Variants in GPC3 observed in about 807,000 individuals in gnomAD.
GPC3 encodes glypican-3.
Under a neutral mutation model 34.4 loss-of-function variants are expected in GPC3, and 3 were observed. The observed-to-expected ratio is 0.09, with a 90% CI of 0.04 to 0.23. The LOEUF (loss-of-function observed/expected upper bound fraction) is 0.23. Among genes scored for constraint, GPC3 ranks in the 10% least tolerant of loss-of-function variants. The pLI is 1.00. For missense variants in GPC3, 351 were observed against 445.6 expected, an observed-to-expected ratio of 0.79 and a Z score of 1.91; for synonymous variants, 177 against 174.0, an observed-to-expected ratio of 1.02 and a Z score of -0.13.
intron 2 of GPC3, among the ~76,000 whole-genome samples, chrX:133,794,264 C>T (rs1422319587): frequency 1.8e-5 from 2 of 111,469 alleles, no homozygotes; most frequent in Non-Finnish European, 3.8e-5. Flanking sequence ...TCTACAGAGG[C>T]TTTAGTTTTT....
chrX:133,898,374 A>G (rs1374311750), intron 2 of GPC3, among the ~76,000 whole-genome samples: 1 of 112,129 alleles, frequency 8.9e-6, no homozygotes, highest in East Asian at 2.8e-4. Flanking sequence ...AAATTCCTCA[A>G]ATCAGAGTTT....
intron 2 of GPC3, among the ~76,000 whole-genome samples, chrX:133,767,820 T>A (rs763984446): frequency 1.2e-4 from 13 of 110,949 alleles, no homozygotes; most frequent in Non-Finnish European, 2.5e-4. Flanking sequence ...CCCCTGAGCC[T>A]GCCCAAAAGA....
At chrX:133,638,859 C>T (rs1303655172) in intron 6 of GPC3, among the ~76,000 whole-genome samples, 1 of 109,536 alleles carries the variant, frequency 9.1e-6, no homozygotes, top group African/African-American at 3.3e-5. Flanking sequence ...AAAGAAATCT[C>T]ATAATGTTTT....
intron 5 of GPC3, chrX:133,671,429 G>A: frequency 6.3e-6 from 3 of 472,828 alleles, no homozygotes; most frequent in Non-Finnish European, 1.1e-5. Context: ...GATTTTTCAT[G>A]AGAGGATTTA....
chrX:133,623,363 G>C (rs1341609774), intron 6 of GPC3, among the ~76,000 whole-genome samples: 1 of 111,907 alleles, frequency 8.9e-6, no homozygotes, highest in East Asian at 2.8e-4. Flanking sequence ...ACGCAGACTG[G>C]CAAATTGGAT....
At chrX:133,660,255 A>T (rs1188986349) in intron 6 of GPC3, among the ~76,000 whole-genome samples, 1 of 112,440 alleles carries the variant, frequency 8.9e-6, no homozygotes. Flanking sequence ...CCATATTTTA[A>T]AAACTCATAC....
intron 7 of GPC3, among the ~76,000 whole-genome samples, chrX:133,556,880 C>G (rs2069494618): frequency 9.4e-6 from 1 of 106,891 alleles, no homozygotes; most frequent in African/African-American, 3.4e-5. Context: ...ATGTAACAAA[C>G]CTGCACGTTG....
At chrX:133,932,804 A>G (rs956466009) in intron 2 of GPC3, among the ~76,000 whole-genome samples, 4 of 111,152 alleles carry the variant, frequency 3.6e-5, no homozygotes, top group Non-Finnish European at 5.7e-5. Context: ...GGCTTCAAGG[A>G]ACCACTGTAA....
At position 133,795,048 on chromosome X, in the gene GPC3, G is replaced by A. The variant is rs542903259; in HGVS notation, c.338-40872C>T. 6.2e-5 allele frequency among the ~76,000 whole-genome samples: 7 copies of A among 112,129 alleles called. No homozygotes were observed. The South Asian group carries it at 2.6e-3, about 42-fold the overall frequency. On this transcript the variant is annotated intron_variant, in intron 2 of 7. Transcript: ENST00000370818. ...CTGACACAGAAGGGGCTCTTTAGAA[G>A]CATTTGTTTCACTGAACCGCTATGT...
intron 2 of GPC3, among the ~76,000 whole-genome samples, chrX:133,786,445 A>T (rs1423606113): frequency 8.9e-6 from 1 of 112,762 alleles, no homozygotes; most frequent in African/African-American, 3.2e-5. Flanking sequence ...GGGTTTTTAA[A>T]CACAACTGAG....
intron 2 of GPC3, among the ~76,000 whole-genome samples, chrX:133,840,928 G>C (rs2075821202): frequency 9.0e-6 from 1 of 111,134 alleles, no homozygotes. Flanking sequence ...GTGACTCTCA[G>C]GCATCTTTTC....
At chrX:133,965,570 G>C (rs766058819) in intron 1 of GPC3, among the ~76,000 whole-genome samples, 12 of 111,525 alleles carry the variant, frequency 1.1e-4, no homozygotes, top group Non-Finnish European at 2.3e-4. Flanking sequence ...TCTATGAAGA[G>C]AGCACAGCCC....
chrX:133,787,852 C>T (rs2072118129), intron 2 of GPC3, among the ~76,000 whole-genome samples: 1 of 108,737 alleles, frequency 9.2e-6, no homozygotes, highest in Non-Finnish European at 1.9e-5. Flanking sequence ...ATACACTTGG[C>T]TACTCTCTCT....
chrX:133,704,203 A>T, intron 3 of GPC3: 1 of 1,060,812 alleles, frequency 9.4e-7, no homozygotes, highest in Non-Finnish European at 1.2e-6. Flanking sequence ...GCTTCACTCT[A>T]CCTGTAAGTC....
intron 3 of GPC3, among the ~76,000 whole-genome samples, chrX:133,716,470 A>G (rs2071314314): frequency 8.9e-6 from 1 of 112,349 alleles, no homozygotes; most frequent in Admixed American, 9.4e-5. Flanking sequence ...AAAAGATAGA[A>G]ATTACTTTTT....
At chrX:133,592,251 T>C (rs2069857448) in intron 7 of GPC3, among the ~76,000 whole-genome samples, 1 of 103,206 alleles carries the variant, frequency 9.7e-6, no homozygotes, top group Non-Finnish European at 2.0e-5. Flanking sequence ...ATTAGGTATA[T>C]CTCCTAATGC....
At chrX:133,950,687 GA>G (rs927663677) in intron 2 of GPC3, among the ~76,000 whole-genome samples, 3 of 111,432 alleles carry the variant, frequency 2.7e-5, no homozygotes, top group Admixed American at 1.9e-4. Flanking sequence ...TCATAAGAAA[GA>G]AAAAAAGTGG....
chrX:133,920,061 A>G (rs369901912), intron 2 of GPC3, among the ~76,000 whole-genome samples: 1 of 109,186 alleles, frequency 9.2e-6, no homozygotes, highest in East Asian at 2.9e-4. Context: ...GCTACTTAGG[A>G]AACTGAAGCA....
At chrX:133,788,752 C>T (rs2072132720) in intron 2 of GPC3, among the ~76,000 whole-genome samples, 1 of 97,925 alleles carries the variant, frequency 1.0e-5, no homozygotes, top group African/African-American at 3.7e-5. Flanking sequence ...TCCTCCTCCT[C>T]CCCCCCTTCC....
Sources: gnomAD v4.1 joint callset for allele counts (sites outside exome capture counted in the v4.1 genomes callset) on GRCh38, gnomAD v4.1.1 for gene constraint, MANE v1.5 for transcripts, NCBI Gene and HGNC (gene_info 2026-07-23, HGNC 2026-07-21) for gene names.